Variants in RNF13 observed in about 807,000 individuals in gnomAD.
RNF13 encodes ring finger protein 13.
In RNF13, 19 loss-of-function variants were observed where a neutral mutation model predicts 37.7. The observed-to-expected ratio is 0.50, with a 90% confidence interval of 0.35 to 0.74. RNF13 has a LOEUF of 0.74. RNF13 is among the 30% of genes least tolerant of loss of function. RNF13 has a pLI of 0.01. For missense variants in RNF13, 375 were observed against 453.0 expected (o/e 0.83, Z 1.56); for synonymous variants, 144 against 157.8 (o/e 0.91, Z 0.65).
chr3:149,923,859 T>C (rs1002771232), intron 8 of RNF13, among the ~76,000 whole-genome samples: 1 of 151,824 alleles, frequency 6.6e-6, no homozygotes, highest in Non-Finnish European at 1.5e-5. Context: ...CTGAGTAAGA[T>C]GGGTAGCTGT....
chr3:149,867,439 T>G lies in RNF13; in HGVS notation c.196-4590T>G, dbSNP rs1234516819. ...CACCACCACGCCCGGCTAATTTTTTTGTATTTTTAGTAGAGATGGGGTTTC... is the reference window on the plus strand; with the variant it reads ...CACCACCACGCCCGGCTAATTTTTTGGTATTTTTAGTAGAGATGGGGTTTC... On this transcript the variant is annotated intron_variant, in intron 3 of 9. Coordinates refer to ENST00000392894, the MANE Select transcript of RNF13 (RefSeq NM_183381.3). Among the ~76,000 whole-genome samples, 4 of 151,474 alleles carry G rather than the reference T, an allele frequency of 2.6e-5. 1 individual carries two copies. Among genetic ancestry groups the G allele is most frequent in the Non-Finnish European group, 3.0e-5 (2 of 67,736 alleles).
intron 1 of RNF13, chr3:149,822,642 T>C (rs1465220389): frequency 3.3e-5 from 5 of 152,178 alleles, no homozygotes; most frequent in Non-Finnish European, 4.4e-5. Flanking sequence ...TGAACTATTA[T>C]CTTACTATAC....
At chr3:149,958,434 G>A (rs1177772056) in intron 8 of RNF13, among the ~76,000 whole-genome samples, 2 of 152,130 alleles carry the variant, frequency 1.3e-5, no homozygotes, top group African/African-American at 4.8e-5. Context: ...CCCCGACTCT[G>A]AATTTTCCTG....
intron 2 of RNF13, among the ~76,000 whole-genome samples, chr3:149,847,784 C>T (rs35023896): frequency 0.083 from 12,666 of 152,174 alleles, 764 homozygotes; most frequent in Non-Finnish European, 0.11. Context: ...TTCTCCTTGT[C>T]TCCTTTCTCT....
At chr3:149,840,263 G>A (rs564233450) in intron 1 of RNF13, among the ~76,000 whole-genome samples, 18 of 152,286 alleles carry the variant, frequency 1.2e-4, no homozygotes, top group Admixed American at 3.3e-4. Context: ...ATCAAAGATC[G>A]TGGTAGTGTA....
At chr3:149,857,905 T>C (rs1460193879) in intron 3 of RNF13, among the ~76,000 whole-genome samples, 1 of 152,162 alleles carries the variant, frequency 6.6e-6, no homozygotes, top group African/African-American at 2.4e-5. Context: ...TTGATCCCCA[T>C]TGTGGGGGTG....
chr3:149,906,789 C>T (rs560880897), intron 6 of RNF13, among the ~76,000 whole-genome samples: 1 of 151,414 alleles, frequency 6.6e-6, no homozygotes, highest in South Asian at 2.1e-4. Flanking sequence ...GTAGCTAGGA[C>T]CCCAGGCATG....
chr3:149,913,753 G>A (rs945284269), intron 7 of RNF13, among the ~76,000 whole-genome samples: 5 of 152,160 alleles, frequency 3.3e-5, no homozygotes, highest in East Asian at 1.9e-4. Flanking sequence ...TATCACAGAC[G>A]TGAAGTGCCC....
intron 8 of RNF13, among the ~76,000 whole-genome samples, chr3:149,959,268 AC>A (rs1722155314): frequency 2.0e-5 from 3 of 152,238 alleles, no homozygotes; most frequent in African/African-American, 7.2e-5. Context: ...AGATCATGCC[AC>A]TGCACTCCAG....
intron 5 of RNF13, 29 bp downstream of exon 5, chr3:149,895,589 C>A (rs1715171597): frequency 6.7e-6 from 9 of 1,350,584 alleles, no homozygotes; most frequent in African/African-American, 1.5e-5. Context: ...TTTCTTCTCT[C>A]CTGTTTGACA....
chr3:149,908,832 G>A (rs1716690962), intron 6 of RNF13, among the ~76,000 whole-genome samples: 1 of 152,282 alleles, frequency 6.6e-6, no homozygotes, highest in Non-Finnish European at 1.5e-5. Flanking sequence ...GGGGAAATTA[G>A]ACAGGTTATT....
intron 1 of RNF13, among the ~76,000 whole-genome samples, chr3:149,824,670 T>C (rs1720305970): frequency 1.3e-5 from 2 of 152,066 alleles, no homozygotes; most frequent in Non-Finnish European, 2.9e-5. Context: ...TTGGGGCTTT[T>C]TTTTTTTAAA....
chr3:149,922,327 A>G (rs985991956), intron 8 of RNF13, among the ~76,000 whole-genome samples: 1 of 152,194 alleles, frequency 6.6e-6, no homozygotes, highest in Non-Finnish European at 1.5e-5. Context: ...TCCCTACCAT[A>G]AACTATGCCT....
At chr3:149,832,750 A>G (rs1458026698) in intron 1 of RNF13, among the ~76,000 whole-genome samples, 1 of 152,232 alleles carries the variant, frequency 6.6e-6, no homozygotes, top group East Asian at 1.9e-4. Context: ...AGTACTATAA[A>G]CAATTTTATG....
chr3:149,818,858 C>T (rs1239205569), intron 1 of RNF13, among the ~76,000 whole-genome samples: 2 of 152,076 alleles, frequency 1.3e-5, no homozygotes, highest in African/African-American at 4.8e-5. Context: ...TTGCAGTGAG[C>T]CAAGACCGCG....
At chr3:149,833,929 A>G (rs1454109902) in intron 1 of RNF13, among the ~76,000 whole-genome samples, 2 of 152,240 alleles carry the variant, frequency 1.3e-5, no homozygotes, top group African/African-American at 4.8e-5. Flanking sequence ...GCAAAGTTGC[A>G]GGATACAAAA....
At chr3:149,951,248 TA>T (rs1378045422) in intron 8 of RNF13, among the ~76,000 whole-genome samples, 1 of 152,218 alleles carries the variant, frequency 6.6e-6, no homozygotes, top group Non-Finnish European at 1.5e-5. Context: ...TGACTCTTTG[TA>T]TTTGCTGTCT....
At chr3:149,904,430 G>A (rs948031946) in intron 6 of RNF13, among the ~76,000 whole-genome samples, 2 of 151,966 alleles carry the variant, frequency 1.3e-5, no homozygotes, top group Non-Finnish European at 2.9e-5. Flanking sequence ...GCCCAGGCTG[G>A]AGTGCAGTGG....
At chr3:149,922,385 T>C (rs1718230144) in intron 8 of RNF13, among the ~76,000 whole-genome samples, 1 of 152,216 alleles carries the variant, frequency 6.6e-6, no homozygotes, top group Non-Finnish European at 1.5e-5. Flanking sequence ...AATAAATGAA[T>C]GAATGAATGT....
Sources: allele counts gnomAD v4.1 joint callset (sites outside exome capture counted in the v4.1 genomes callset), GRCh38; gene constraint gnomAD v4.1.1; transcripts MANE v1.5; gene names NCBI Gene and HGNC (gene_info 2026-07-23, HGNC 2026-07-21).